The following SCAPER variants were observed in gnomAD, a reference collection of about 807,000 sequenced individuals.
The protein encoded by SCAPER is S phase cyclin A-associated protein in the endoplasmic reticulum.
Under a neutral mutation model 182.2 loss-of-function variants are expected in SCAPER, and 98 were observed. The ratio of observed to expected loss-of-function variants is 0.54; its 90% CI spans 0.46 to 0.64. The LOEUF is 0.64. Among genes scored for constraint, SCAPER ranks in the 30% least tolerant of loss-of-function variants. SCAPER has a pLI of 0.00. For missense variants in SCAPER, 1,432 were observed against 1,690.0 expected (o/e 0.85, Z 2.68); for synonymous variants, 605 against 564.6 (o/e 1.07, Z -1.01).
At position 76,477,021 on chromosome 15, in the gene SCAPER, T is replaced by C. The variant is rs189527215; in HGVS notation, c.2955-5686A>G. ...ATAGAAAGGAAATTAATTGACAGGCTACTTGCGTATATAATAGAATTTGGA... is the reference window on the plus strand; with the variant it reads ...ATAGAAAGGAAATTAATTGACAGGCCACTTGCGTATATAATAGAATTTGGA... On this transcript the variant is annotated intron_variant, in intron 24 of 31. Transcript: ENST00000563290. Among the ~76,000 whole-genome samples, 434 of 152,292 alleles carry C rather than the reference T, an allele frequency of 2.8e-3. 1 individual carries two copies. The highest frequency in any genetic ancestry group is 4.3e-3 in the Non-Finnish European group (292 of 68,020).
At chr15:76,495,717 G>A (rs570020556) in intron 24 of SCAPER, among the ~76,000 whole-genome samples, 9 of 151,938 alleles carry the variant, frequency 5.9e-5, no homozygotes, top group Admixed American at 3.3e-4. Context: ...TTCCAGAGAG[G>A]AACAAAACTG....
intron 10 of SCAPER, 34 bp downstream of exon 10, chr15:76,771,708 G>T: frequency 6.6e-7 from 1 of 1,511,958 alleles, no homozygotes; most frequent in South Asian, 1.1e-5. Flanking sequence ...TCAGAATTCT[G>T]ATAAGTTGTT....
At chr15:76,410,039 C>A (rs2045176209) in intron 26 of SCAPER, among the ~76,000 whole-genome samples, 1 of 151,866 alleles carries the variant, frequency 6.6e-6, no homozygotes, top group Non-Finnish European at 1.5e-5. Context: ...GCGAGCTGCC[C>A]TCCTCAGCCT....
chr15:76,561,743 C>T (rs1380206228), intron 23 of SCAPER, among the ~76,000 whole-genome samples: 1 of 150,996 alleles, frequency 6.6e-6, no homozygotes. Context: ...GAGTTTCGCT[C>T]CTTTTGCCCA....
At chr15:76,881,971 C>T (rs1429752715) in intron 2 of SCAPER, among the ~76,000 whole-genome samples, 1 of 152,142 alleles carries the variant, frequency 6.6e-6, no homozygotes, top group Admixed American at 6.5e-5. Flanking sequence ...TCTAAATGAA[C>T]ACTGTTTTAT....
intron 21 of SCAPER, among the ~76,000 whole-genome samples, chr15:76,630,345 G>C (rs2052992304): frequency 6.6e-6 from 1 of 151,832 alleles, no homozygotes; most frequent in Non-Finnish European, 1.5e-5. Flanking sequence ...TCCTAGCTTT[G>C]GGGTTTGTTT....
chr15:76,426,234 G>A (rs889489704), intron 26 of SCAPER, among the ~76,000 whole-genome samples: 14 of 152,214 alleles, frequency 9.2e-5, no homozygotes, highest in Admixed American at 9.2e-4. Flanking sequence ...AGGCAGACAG[G>A]CCTCCCTGAG....
At chr15:76,542,937 T>C (rs1017571143) in intron 23 of SCAPER, among the ~76,000 whole-genome samples, 3 of 152,212 alleles carry the variant, frequency 2.0e-5, no homozygotes, top group African/African-American at 4.8e-5. Flanking sequence ...TTATAGGACA[T>C]ACTTAGTTCT....
chr15:76,532,835 C>A (rs968446585), intron 23 of SCAPER, among the ~76,000 whole-genome samples: 9 of 152,172 alleles, frequency 5.9e-5, no homozygotes, highest in Middle Eastern at 3.4e-3. Context: ...AGTGATGATG[C>A]CTTTGGGAGG....
intron 17 of SCAPER, among the ~76,000 whole-genome samples, chr15:76,715,771 C>T (rs2059859369): frequency 6.6e-6 from 1 of 152,140 alleles, no homozygotes; most frequent in African/African-American, 2.4e-5. Context: ...CAGAATCATG[C>T]CAGTGCCTCA....
chr15:76,456,406 T>C (rs1311294156), intron 25 of SCAPER, among the ~76,000 whole-genome samples: 3 of 152,246 alleles, frequency 2.0e-5, no homozygotes, highest in Non-Finnish European at 4.4e-5. Context: ...TGTGAATTTG[T>C]AGATACATAA....
intron 8 of SCAPER, among the ~76,000 whole-genome samples, chr15:76,791,875 C>A (rs2065026271): frequency 1.3e-5 from 2 of 151,822 alleles, no homozygotes; most frequent in South Asian, 4.2e-4. Flanking sequence ...TTAATAAAAT[C>A]TCAAACCAAA....
intron 25 of SCAPER, among the ~76,000 whole-genome samples, chr15:76,450,600 C>T (rs2048309834): frequency 6.6e-6 from 1 of 152,198 alleles, no homozygotes; most frequent in African/African-American, 2.4e-5. Context: ...GTTGCCCAGG[C>T]TGGAGTGCAG....
intron 25 of SCAPER, 111 bp downstream of exon 25, chr15:76,471,101 T>TTC: frequency 3.9e-5 from 15 of 388,400 alleles, no homozygotes; most frequent in South Asian, 1.6e-4. Flanking sequence ...TCTTCTTCTT[T>TTC]TTTTTTTTTT....
chr15:76,764,496 A>G (rs971793630), intron 14 of SCAPER, among the ~76,000 whole-genome samples: 1 of 152,252 alleles, frequency 6.6e-6, no homozygotes. Context: ...GCATATGGAC[A>G]TGGATTGACA....
intron 20 of SCAPER, among the ~76,000 whole-genome samples, chr15:76,684,448 G>A (rs62028171): frequency 0.067 from 10,195 of 151,858 alleles, 382 homozygotes; most frequent in Middle Eastern, 0.11. Context: ...AACATCACAT[G>A]TACACCACAA....
At chr15:76,493,888 G>A (rs1241067688) in intron 24 of SCAPER, among the ~76,000 whole-genome samples, 2 of 152,166 alleles carry the variant, frequency 1.3e-5, no homozygotes, top group Non-Finnish European at 2.9e-5. Flanking sequence ...AAATGGAGAA[G>A]AGTATTTATC....
chr15:76,434,174 T>C lies in SCAPER; in HGVS notation c.3215A>G (p.Asn1072Ser). The C allele has an allele frequency of 6.2e-7, 1 of 1,613,986 alleles. No homozygotes were observed. Among genetic ancestry groups the C allele is most frequent in the African/African-American group, 1.3e-5 (1 of 75,034 alleles). Residue 1072 changes from asparagine (N) to serine (S), a missense_variant, in exon 26 of 32, where the codon AAC becomes AGC. Asn to Ser is a conservative substitution (Grantham distance 46, BLOSUM62 1). This residue lies in a region of SCAPER where 718 missense variants were observed against 799.7 expected (regional missense o/e 0.90). Transcript: ENST00000563290. ...GCLIANRPDG[N>S]CQPATPKIPT... ...TATTTTTGGGGTAGCTGGCTGGCAG[T>C]TTCCATCTGGTCGATTGGCAATCAG...
intron 25 of SCAPER, among the ~76,000 whole-genome samples, chr15:76,444,407 T>G (rs2142737027): frequency 6.6e-6 from 1 of 152,326 alleles, no homozygotes; most frequent in African/African-American, 2.4e-5. Context: ...AAAGTTCACA[T>G]TTTTTATGTT....
Sources: gnomAD v4.1 joint callset for allele counts (sites outside exome capture counted in the v4.1 genomes callset) on GRCh38, gnomAD v4.1.1 for gene constraint, gnomAD v4.1.1 regional missense constraint, MANE v1.5 for transcripts, NCBI Gene and HGNC (gene_info 2026-07-23, HGNC 2026-07-21) for gene names.